Variants in ZMPSTE24 observed in about 807,000 individuals in gnomAD.
ZMPSTE24 encodes zinc metallopeptidase STE24.
A neutral mutation model predicts 56.7 loss-of-function variants in ZMPSTE24; 48 were observed. That is an observed-to-expected ratio of 0.85 (90% CI 0.67 to 1.08). ZMPSTE24 has a LOEUF of 1.08. ZMPSTE24 is among the 50% of genes least tolerant of loss of function. The probability of loss-of-function intolerance (pLI) is 0.00; values close to 1 mark genes in which losing one functional copy is unlikely to be tolerated. For synonymous variants in ZMPSTE24, 172 were observed against 195.2 expected (o/e 0.88, Z 0.99); for missense variants, 503 against 548.7 (o/e 0.92, Z 0.83).
chr1:40,286,902 T>C (rs1643792552), intron 8 of ZMPSTE24, among the ~76,000 whole-genome samples: 1 of 151,060 alleles, frequency 6.6e-6, no homozygotes, highest in African/African-American at 2.4e-5. Context: ...TAATTTTTTT[T>C]TGTATTTTTA....
In ZMPSTE24 at chr1:40,279,985, C is replaced by T. The variant is rs562892810; in HGVS notation, c.770-1358C>T. ...TCTATAAAATCCATGTTTCGTCTCACGTCACAGTCTGATAGAGAAATGGTT... is the reference window on the plus strand; with the variant it reads ...TCTATAAAATCCATGTTTCGTCTCATGTCACAGTCTGATAGAGAAATGGTT... On this transcript the variant is annotated intron_variant, in intron 6 of 9. Coordinates refer to ENST00000372759, the MANE Select transcript of ZMPSTE24 (RefSeq NM_005857.5). 3.2e-4 allele frequency among the ~76,000 whole-genome samples: 48 copies of T among 152,188 alleles called. 1 individual carries two copies. Among genetic ancestry groups the T allele is most frequent in the African/African-American group, 1.1e-3 (46 of 41,530 alleles).
chr1:40,273,516 T>TCAAAAAAAAAAAAA lies in ZMPSTE24; in HGVS notation c.769+1481_769+1482insCAAAAAAAAAAAAA, dbSNP rs1208318399. On this transcript the variant is annotated intron_variant, in intron 6 of 9. Coordinates refer to ENST00000372759, the MANE Select transcript of ZMPSTE24 (RefSeq NM_005857.5). Reference sequence around the variant, plus strand: ...TGGGCAACAAGAGCCAAATTCTGTCTAAAAAAAAAAAAAAAAAAAAAATAT... The same window carrying TCAAAAAAAAAAAAA: ...TGGGCAACAAGAGCCAAATTCTGTCTCAAAAAAAAAAAAAAAAAAAAAAAAAAAAAAAAAAATAT... Among the ~76,000 whole-genome samples the TCAAAAAAAAAAAAA allele has an allele frequency of 3.1e-3, 33 of 10,582 alleles. 9 individuals carry two copies. The highest frequency in any genetic ancestry group is 6.8e-3 in the African/African-American group (12 of 1,766). The allele number at this position is 10,582 out of a possible 152,430, so 6.9% of individuals were successfully genotyped here.
intron 6 of ZMPSTE24, among the ~76,000 whole-genome samples, chr1:40,280,158 T>G (rs1055291698): frequency 6.6e-6 from 1 of 152,174 alleles, no homozygotes; most frequent in African/African-American, 2.4e-5. Context: ...ATGGTCGACA[T>G]TGAGTTCTTC....
Position 40,283,302 on chromosome 1 carries a change from G to A in ZMPSTE24, c.954+1775G>A, listed in dbSNP as rs112800593. On this transcript the variant is annotated intron_variant, in intron 7 of 9. Coordinates refer to ENST00000372759, the MANE Select transcript of ZMPSTE24 (RefSeq NM_005857.5). ...GCAGATAACTTGAGGCCAGGAGTTC[G>A]AGACCAGCCTGGCCAACATGACGAA... is the stretch of plus-strand genomic sequence containing the variant. 3.6e-3 allele frequency among the ~76,000 whole-genome samples: 550 copies of A among 152,154 alleles called. 3 individuals carry two copies. Among genetic ancestry groups the A allele is most frequent in the South Asian group, 0.027 (130 of 4,820 alleles).
chr1:40,290,930 A>G lies in ZMPSTE24; in HGVS notation c.1136A>G (p.Tyr379Cys). 1 of 1,613,876 alleles carries G rather than the reference A, an allele frequency of 6.2e-7. No individual in the cohort carries two copies. Among genetic ancestry groups the G allele is most frequent in the Non-Finnish European group, 8.5e-7 (1 of 1,179,972 alleles). ...RKELFAAFGF[Y>C]DSQPTLIGLL... ...GAGCTTTTTGCTGCATTTGGTTTTT[A>G]TGATAGCCAACCCACTCTTATTGGA... Residue 379 changes from tyrosine to cysteine, a missense_variant, in exon 9 of 10, where the codon TAT becomes TGT. Tyr to Cys is a radical substitution (Grantham distance 194, BLOSUM62 -2). Coordinates refer to ENST00000372759, the MANE Select transcript of ZMPSTE24 (RefSeq NM_005857.5).
At chr1:40,261,812 C>T (rs1256942236) in intron 2 of ZMPSTE24, among the ~76,000 whole-genome samples, 3 of 152,134 alleles carry the variant, frequency 2.0e-5, no homozygotes, top group Admixed American at 6.5e-5. Context: ...CGGGTTCAAG[C>T]GATTCTCCTA....
intron 5 of ZMPSTE24, among the ~76,000 whole-genome samples, chr1:40,270,882 G>A (rs1459663173): frequency 6.6e-6 from 1 of 152,192 alleles, no homozygotes; most frequent in African/African-American, 2.4e-5. Flanking sequence ...ACTTTGGGAA[G>A]CCAAGGTGGG....
At chr1:40,287,122 AGTGGC>A (rs942126963) in intron 8 of ZMPSTE24, among the ~76,000 whole-genome samples, 18 of 150,778 alleles carry the variant, frequency 1.2e-4, no homozygotes, top group Non-Finnish European at 2.4e-4. Context: ...GCTAGAATGC[AGTGGC>A]GTGATCTCAA....
At chr1:40,260,120 G>A (rs577056171) in intron 1 of ZMPSTE24, among the ~76,000 whole-genome samples, 1 of 143,874 alleles carries the variant, frequency 7.0e-6, no homozygotes, top group East Asian at 2.1e-4. Context: ...TAGTGCTGTG[G>A]CACAATATGG....
intron 2 of ZMPSTE24, among the ~76,000 whole-genome samples, chr1:40,264,311 G>T (rs866588083): frequency 6.6e-6 from 1 of 152,004 alleles, no homozygotes; most frequent in African/African-American, 2.4e-5. Context: ...TCCAGCCTGG[G>T]TGACAGAGTG....
chr1:40,262,719 G>A, intron 2 of ZMPSTE24: 1 of 609,482 alleles, frequency 1.6e-6, no homozygotes, highest in Non-Finnish European at 2.2e-6. Flanking sequence ...TTAATATTTT[G>A]CATGTTTTCC....
intron 2 of ZMPSTE24, among the ~76,000 whole-genome samples, chr1:40,267,451 A>C (rs975734286): frequency 6.6e-6 from 1 of 150,632 alleles, no homozygotes; most frequent in Non-Finnish European, 1.5e-5. Flanking sequence ...TGGAGCCTTG[A>C]CTTCCCAGGC....
At position 40,260,985 on chromosome 1, in the gene ZMPSTE24, T is replaced by C; in HGVS notation, c.270T>C (p.Thr90=). ...GACTCTATTCAGAGACTGAAGGCACTGTGAGTAATTTACTTCTTGGAGAGA... is the reference window on the plus strand; with the variant it reads ...GACTCTATTCAGAGACTGAAGGCACCGTGAGTAATTTACTTCTTGGAGAGA... ...WSGLYSETEG[T]LILLFGGIPY... is the part of the protein sequence containing the mutation. The change falls in exon 2 of 10, where the codon ACT becomes ACC. Residue 90 remains threonine (T), a splice_region_variant and synonymous_variant. Transcript: ENST00000372759. The C allele has an allele frequency of 5.6e-6, 9 of 1,614,118 alleles. No homozygotes were observed. Among genetic ancestry groups the C allele is most frequent in the Non-Finnish European group, 6.8e-6 (8 of 1,180,000 alleles).
intron 7 of ZMPSTE24, among the ~76,000 whole-genome samples, chr1:40,285,575 A>C (rs990495998): frequency 6.6e-6 from 1 of 152,232 alleles, no homozygotes; most frequent in Admixed American, 6.5e-5. Flanking sequence ...ATGATTTTGT[A>C]ATATAATGTG....
At chr1:40,276,212 T>G (rs1218509684) in intron 6 of ZMPSTE24, among the ~76,000 whole-genome samples, 1 of 152,208 alleles carries the variant, frequency 6.6e-6, no homozygotes, top group Non-Finnish European at 1.5e-5. Flanking sequence ...TAGACATCCC[T>G]GTGGAGATGT....
In ZMPSTE24 at chr1:40,264,050, G is replaced by A. The variant is rs572749916; in HGVS notation, c.270+3065G>A. On this transcript the variant is annotated intron_variant, in intron 2 of 9. Coordinates refer to ENST00000372759, the MANE Select transcript of ZMPSTE24 (RefSeq NM_005857.5). Reference sequence around the variant, plus strand: ...TTTCTCATCTTTAAAATGAGAAGTGGGCTGGGTACGGTGGCTCACGCCTGT... The same window carrying A: ...TTTCTCATCTTTAAAATGAGAAGTGAGCTGGGTACGGTGGCTCACGCCTGT... Among the ~76,000 whole-genome samples the A allele has an allele frequency of 2.0e-5, 3 of 152,246 alleles. No homozygotes were observed. In the South Asian group the frequency reaches 6.2e-4, roughly 32 times the overall value.
rs997766569 is a variant in ZMPSTE24, at chr1:40,260,832, A to G, written c.124-7A>G. 3.1e-6 allele frequency: 5 copies of G among 1,612,610 alleles called. No individual in the cohort carries two copies. Among genetic ancestry groups the G allele is most frequent in the African/African-American group, 1.3e-5 (1 of 74,908 alleles). ...TTCACTAAAGTGTTTTCTTTAAAAT[A>G]TTTCAGAGAAGGATATATAAAACAA... On this transcript the variant is annotated splice_region_variant and splice_polypyrimidine_tract_variant and intron_variant, in intron 1 of 9. Coordinates refer to ENST00000372759, the MANE Select transcript of ZMPSTE24 (RefSeq NM_005857.5).
At chr1:40,290,258 G>A (rs993124925) in intron 8 of ZMPSTE24, among the ~76,000 whole-genome samples, 6 of 150,730 alleles carry the variant, frequency 4.0e-5, no homozygotes, top group East Asian at 4.0e-4. Context: ...GGTGGGGGGC[G>A]CCTGTAGTCC....
At chr1:40,282,577 A>G (rs1209474269) in intron 7 of ZMPSTE24, among the ~76,000 whole-genome samples, 1 of 152,212 alleles carries the variant, frequency 6.6e-6, no homozygotes, top group East Asian at 1.9e-4. Context: ...GCTGGCCTCA[A>G]GTTACCCGCC....
Sources: allele counts gnomAD v4.1 joint callset (sites outside exome capture counted in the v4.1 genomes callset), GRCh38; gene constraint gnomAD v4.1.1; transcripts MANE v1.5; gene names NCBI Gene and HGNC (gene_info 2026-07-23, HGNC 2026-07-21).